RBM15B: variants seen among roughly 807,000 people sequenced by gnomAD.
The protein encoded by RBM15B is putative RNA-binding protein 15B.
Under a neutral mutation model 53.3 loss-of-function variants are expected in RBM15B, and 11 were observed. The observed-to-expected ratio is 0.21, with a 90% confidence interval of 0.13 to 0.34. The LOEUF (loss-of-function observed/expected upper bound fraction) is 0.34. Ranked by LOEUF, RBM15B falls within the 10% of genes least tolerant of loss-of-function variation. The probability of loss-of-function intolerance (pLI) is 1.00; values close to 1 mark genes in which losing one functional copy is unlikely to be tolerated. For synonymous variants in RBM15B, 631 were observed against 540.7 expected (o/e 1.17, Z -2.32); for missense variants, 1,136 against 1,250.3 (o/e 0.91, Z 1.38).
chr3:51,393,082 C>T lies in RBM15B; in HGVS notation c.1683C>T (p.Asn561=). 1.9e-6 allele frequency: 3 copies of T among 1,613,910 alleles called. No individual in the cohort carries two copies. Among genetic ancestry groups the T allele is most frequent in the African/African-American group, 2.7e-5 (2 of 75,054 alleles). ...TSPSKSSDRR[N]SLEGYSRSVR... Reference sequence around the variant, plus strand: ...CCAGTAAAAGCTCTGACCGCCGAAACAGCCTTGAGGGCTACAGTCGCTCAG... The same window carrying T: ...CCAGTAAAAGCTCTGACCGCCGAAATAGCCTTGAGGGCTACAGTCGCTCAG... The change falls in exon 1 of 1, where the codon AAC becomes AAT. Residue 561 remains asparagine (N), a synonymous_variant. Coordinates refer to ENST00000563281, the MANE Select transcript of RBM15B (RefSeq NM_013286.5). The surrounding 1 kb of genome is among the most constrained non-coding windows in gnomAD (Gnocchi z 5.6).
At position 51,395,707 on chromosome 3, in the gene RBM15B, GAC is replaced by G. The variant is rs1472884044; in HGVS notation, c.*1638_*1639del. 2.1e-4 allele frequency: 86 copies of G among 412,572 alleles called. 1 individual carries two copies. The Admixed American group carries it at 3.6e-3, about 17-fold the overall frequency. 25.6% of individuals were successfully genotyped at this position (412,572 alleles called of 1,614,324 possible). On this transcript the variant is annotated 3_prime_UTR_variant, in exon 1 of 1. Transcript: ENST00000563281. Reference sequence around the variant, plus strand: ...GGAGCTAGGATAAGGTAGCATGAGTGACACCTGAGATTAGAGGCTGGGGCTCA... The same window carrying G: ...GGAGCTAGGATAAGGTAGCATGAGTGACCTGAGATTAGAGGCTGGGGCTCA...
chr3:51,397,822 GA>G lies in RBM15B; in HGVS notation c.*3754del, dbSNP rs1418726978. 6.0e-6 allele frequency: 1 copy of G among 166,838 alleles called. No individual in the cohort carries two copies. Among genetic ancestry groups the G allele is most frequent in the African/African-American group, 2.4e-5 (1 of 41,380 alleles). 10.3% of individuals were successfully genotyped at this position (166,838 alleles called of 1,614,324 possible). On this transcript the variant is annotated 3_prime_UTR_variant, in exon 1 of 1. Transcript: ENST00000563281. The stretch of plus-strand genomic sequence containing the variant: ...AGGGACACACCCCACTTCGGTAAAA[GA>G]AAATAGGGAAAGGCCATAAACAAAG...
At position 51,391,497 on chromosome 3, in the gene RBM15B, G is replaced by C. The variant is rs1307700446; in HGVS notation, c.98G>C (p.Gly33Ala). Residue 33 changes from glycine (G) to alanine (A), a missense_variant, in exon 1 of 1, where the codon GGC becomes GCC. By Grantham distance (60) the Gly-to-Ala change is moderately conservative (BLOSUM62 0). Transcript: ENST00000563281. This position sits in a 1 kb window ranked among gnomAD's most constrained non-coding sequence, Gnocchi z 4.5. The stretch of plus-strand genomic sequence containing the variant: ...GAGCGCGAACGGGAGGCGGAGGCGG[G>C]CGGGCGGCGGGCGGCGCACAAGGCC... ...PREREREAEA[G>A]GRRAAHKASG... 3.9e-5 allele frequency: 48 copies of C among 1,222,052 alleles called. No homozygotes were observed. Among genetic ancestry groups the C allele is most frequent in the Non-Finnish European group, 4.8e-5 (47 of 981,860 alleles). The allele number at this position is 1,222,052 out of a possible 1,614,324, so 75.7% of individuals were successfully genotyped here. A position where few individuals can be genotyped will look rare whatever the true frequency, so the allele number is the denominator to read the frequency against.
Position 51,391,792 on chromosome 3 carries a change from A to G in RBM15B, c.393A>G (p.Ser131=), listed in dbSNP as rs2089041774. Residue 131 remains serine, a synonymous_variant, in exon 1 of 1, where the codon TCA becomes TCG. Transcript: ENST00000563281. This position sits in a 1 kb window ranked among gnomAD's most constrained non-coding sequence, Gnocchi z 4.5. ...PPGAEPACPG[S]SAAAPEYKTL... is the part of the protein sequence containing the mutation. ...GGGCCGAGCCCGCGTGTCCCGGCTC[A>G]TCCGCGGCCGCGCCTGAGTACAAGA... is the stretch of plus-strand genomic sequence containing the variant. 2 of 1,591,872 alleles carry G rather than the reference A, an allele frequency of 1.3e-6. No individual in the cohort carries two copies. Among genetic ancestry groups the G allele is most frequent in the Non-Finnish European group, 8.5e-7 (1 of 1,176,508 alleles).
Position 51,391,780 on chromosome 3 carries a change from G to A in RBM15B, c.381G>A (p.Ala127=). Residue 127 remains alanine (A), a synonymous_variant, in exon 1 of 1, where the codon GCG becomes GCA. Coordinates refer to ENST00000563281, the MANE Select transcript of RBM15B (RefSeq NM_013286.5). The surrounding 1 kb of genome is among the most constrained non-coding windows in gnomAD (Gnocchi z 4.5). ...CGCCACCGCCTGGGGCCGAGCCCGC[G>A]TGTCCCGGCTCATCCGCGGCCGCGC... ...PPPPPPGAEP[A]CPGSSAAAPE... The A allele has an allele frequency of 6.3e-7, 1 of 1,585,774 alleles. No individual in the cohort carries two copies. Among genetic ancestry groups the A allele is most frequent in the Admixed American group, 1.7e-5 (1 of 59,116 alleles).
Position 51,391,656 on chromosome 3 carries a change from C to G in RBM15B, c.257C>G (p.Ser86Trp). The change falls in exon 1 of 1, where the codon TCG becomes TGG. Residue 86 changes from serine to tryptophan, a missense_variant. Ser to Trp is a radical substitution (Grantham distance 177). Coordinates refer to ENST00000563281, the MANE Select transcript of RBM15B (RefSeq NM_013286.5). The surrounding 1 kb of genome is among the most constrained non-coding windows in gnomAD (Gnocchi z 4.5). ...CACCGCGCGAGTAGCGGGCGCTCCT[C>G]GGGCTCCGGCGCTGGCGGCGGGGGA... ...ANHRASSGRS[S>W]GSGAGGGGRG... The G allele has an allele frequency of 1.7e-6, 2 of 1,201,538 alleles. No homozygotes were observed. The highest frequency in any genetic ancestry group is 4.1e-5 in the South Asian group (1 of 24,304). 74.4% of individuals were successfully genotyped at this position (1,201,538 alleles called of 1,614,324 possible).
In RBM15B at chr3:51,397,855, T is replaced by G. The variant is rs187144930; in HGVS notation, c.*3783T>G. The stretch of plus-strand genomic sequence containing the variant: ...GGAAAGGCCATAAACAAAGACAGAC[T>G]TGTAGTTTATTTTGTATTTTTTTTA... On this transcript the variant is annotated 3_prime_UTR_variant, in exon 1 of 1. Transcript: ENST00000563281. The G allele has an allele frequency of 4.2e-5, 7 of 167,166 alleles. No homozygotes were observed. The highest frequency in any genetic ancestry group is 3.9e-4 in the Admixed American group (6 of 15,310). 10.4% of individuals were successfully genotyped at this position (167,166 alleles called of 1,614,324 possible).
Position 51,393,768 on chromosome 3 carries a change from G to A in RBM15B, c.2369G>A (p.Gly790Asp). 6.2e-7 allele frequency: 1 copy of A among 1,613,860 alleles called. No homozygotes were observed. The highest frequency in any genetic ancestry group is 8.5e-7 in the Non-Finnish European group (1 of 1,180,046). ...TRRIKQGSPN[G>D]YAVLLATQAT... The stretch of plus-strand genomic sequence containing the variant: ...CGCATCAAGCAGGGGAGCCCCAACG[G>A]CTATGCGGTCCTCTTAGCCACCCAG... Residue 790 changes from glycine to aspartate, a missense_variant, in exon 1 of 1, where the codon GGC becomes GAC. Coordinates refer to ENST00000563281, the MANE Select transcript of RBM15B (RefSeq NM_013286.5). The surrounding 1 kb of genome is among the most constrained non-coding windows in gnomAD (Gnocchi z 5.6).
At position 51,393,129 on chromosome 3, in the gene RBM15B, G is replaced by C; in HGVS notation, c.1730G>C (p.Arg577Pro). Reference sequence around the variant, plus strand: ...TCAGTGCGCAGCCGGAGTGGTGAGCGTTGGGGGGCAGATGGAGACCGTGGT... The same window carrying C: ...TCAGTGCGCAGCCGGAGTGGTGAGCCTTGGGGGGCAGATGGAGACCGTGGT... ...SRSVRSRSGE[R>P]WGADGDRGLP... The change falls in exon 1 of 1, where the codon CGT becomes CCT. Residue 577 changes from arginine to proline, a missense_variant. Transcript: ENST00000563281. This position sits in a 1 kb window ranked among gnomAD's most constrained non-coding sequence, Gnocchi z 5.6. 4.3e-6 allele frequency: 7 copies of C among 1,614,058 alleles called. No homozygotes were observed. The highest frequency in any genetic ancestry group is 5.9e-6 in the Non-Finnish European group (7 of 1,179,996).
In RBM15B at chr3:51,392,248, C is replaced by G; in HGVS notation, c.849C>G (p.Ala283=). Residue 283 remains alanine, a synonymous_variant, in exon 1 of 1, where the codon GCC becomes GCG. Transcript: ENST00000563281. The surrounding 1 kb of genome is among the most constrained non-coding windows in gnomAD (Gnocchi z 7.5). ...GGGAGCCCCGTGCCCGTCACGCCGC[C>G]GCAGCCTTCGCCCTGGATGCCGCTG... ...PLREPRARHA[A]AAFALDAAAA... 6.3e-7 allele frequency: 1 copy of G among 1,588,768 alleles called. No individual in the cohort carries two copies. Among genetic ancestry groups the G allele is most frequent in the Non-Finnish European group, 8.5e-7 (1 of 1,172,024 alleles).
Position 51,392,321 on chromosome 3 carries a change from G to A in RBM15B, c.922G>A (p.Gly308Arg), listed in dbSNP as rs1253830580. Residue 308 changes from glycine (G) to arginine (R), a missense_variant, in exon 1 of 1, where the codon GGG (glycine) becomes AGG (arginine). This residue lies in a region of RBM15B where 204 missense variants were observed against 196.8 expected (regional missense o/e 1.04). Coordinates refer to ENST00000563281, the MANE Select transcript of RBM15B (RefSeq NM_013286.5). The surrounding 1 kb of genome is among the most constrained non-coding windows in gnomAD (Gnocchi z 7.5). The part of the protein sequence containing the change: ...LSRERALDYY[G>R]LYDDRGRPYG... Reference sequence around the variant, plus strand: ...CCGGGAGCGGGCCCTGGACTACTACGGGCTGTACGACGACCGTGGGCGCCC... The same window carrying A: ...CCGGGAGCGGGCCCTGGACTACTACAGGCTGTACGACGACCGTGGGCGCCC... 1 of 1,612,800 alleles carries A rather than the reference G, an allele frequency of 6.2e-7. No individual in the cohort carries two copies. The highest frequency in any genetic ancestry group is 8.5e-7 in the Non-Finnish European group (1 of 1,179,848).
At position 51,395,681 on chromosome 3, in the gene RBM15B, C is replaced by T. The variant is rs1553622632; in HGVS notation, c.*1609C>T. 4 of 411,608 alleles carry T rather than the reference C, an allele frequency of 9.7e-6. No individual in the cohort carries two copies. Among genetic ancestry groups the T allele is most frequent in the Admixed American group, 4.4e-5 (1 of 22,640 alleles). 25.5% of individuals were successfully genotyped at this position (411,608 alleles called of 1,614,324 possible). A position where few individuals can be genotyped will look rare whatever the true frequency, so the allele number is the denominator to read the frequency against. ...CCTCTCTCCAGGTCTGCTCCCTTAC[C>T]GGAGCTAGGATAAGGTAGCATGAGT... is the stretch of plus-strand genomic sequence containing the variant. On this transcript the variant is annotated 3_prime_UTR_variant, in exon 1 of 1. Coordinates refer to ENST00000563281, the MANE Select transcript of RBM15B (RefSeq NM_013286.5).
In RBM15B at chr3:51,393,528, A is replaced by C. The variant is rs1392028445; in HGVS notation, c.2129A>C (p.Asn710Thr). 1.2e-6 allele frequency: 2 copies of C among 1,614,150 alleles called. No homozygotes were observed. The highest frequency in any genetic ancestry group is 3.3e-4 in the Middle Eastern group (2 of 6,062). The change falls in exon 1 of 1, where the codon AAT (asparagine) becomes ACT (threonine). Residue 710 changes from asparagine (N) to threonine (T), a missense_variant. Transcript: ENST00000563281. This position sits in a 1 kb window ranked among gnomAD's most constrained non-coding sequence, Gnocchi z 5.6. ...EPKHETKKLK[N>T]LSEYAQTLQL... ...AAACACGAGACCAAAAAGCTGAAGAATCTTTCAGAGTACGCTCAGACACTA... is the reference window on the plus strand; with the variant it reads ...AAACACGAGACCAAAAAGCTGAAGACTCTTTCAGAGTACGCTCAGACACTA...
At position 51,396,949 on chromosome 3, in the gene RBM15B, T is replaced by C. The variant is rs1484925749; in HGVS notation, c.*2877T>C. The C allele has an allele frequency of 1.8e-5, 3 of 166,980 alleles. No individual in the cohort carries two copies. The highest frequency in any genetic ancestry group is 2.9e-5 in the Non-Finnish European group (2 of 68,118). The allele number at this position is 166,980 out of a possible 1,614,324, so 10.3% of individuals were successfully genotyped here. On this transcript the variant is annotated 3_prime_UTR_variant, in exon 1 of 1. Transcript: ENST00000563281. ...GCGAGGCATGAAGCAAAGAGCTGAG[T>C]GAGTCCTCTGCTCTCCAGAGGACCA... is the stretch of plus-strand genomic sequence containing the variant.
chr3:51,394,837 T>C lies in RBM15B; in HGVS notation c.*765T>C, dbSNP rs112644740. On this transcript the variant is annotated 3_prime_UTR_variant, in exon 1 of 1. Transcript: ENST00000563281. ...TGTACAAGGAGAAGCTGTGCACTGTTGATGCCAGGGGGTCTCGGGGCCCCT... is the reference window on the plus strand; with the variant it reads ...TGTACAAGGAGAAGCTGTGCACTGTCGATGCCAGGGGGTCTCGGGGCCCCT... 0.01 allele frequency: 1,720 copies of C among 167,192 alleles called. 45 individuals are homozygous for C. Among genetic ancestry groups the C allele is most frequent in the African/African-American group, 0.038 (1,562 of 41,516 alleles). The allele number at this position is 167,192 out of a possible 1,614,324, so 10.4% of individuals were successfully genotyped here.
rs1299547161 is a variant in RBM15B at position 51,396,458 on chromosome 3, T to G, written c.*2386T>G. On this transcript the variant is annotated 3_prime_UTR_variant, in exon 1 of 1. Transcript: ENST00000563281. ...CCAGCACTAGTTAGGGGAGGTCAGG[T>G]GGTCAATGTCCTGGTGATTTTATGA... 1.2e-5 allele frequency: 2 copies of G among 167,156 alleles called. No homozygotes were observed. Among genetic ancestry groups the G allele is most frequent in the Non-Finnish European group, 2.9e-5 (2 of 68,212 alleles). The allele number at this position is 167,156 out of a possible 1,614,324, so 10.4% of individuals were successfully genotyped here. A position where few individuals can be genotyped will look rare whatever the true frequency, so the allele number is the denominator to read the frequency against.
rs880001550 is a variant in RBM15B at position 51,393,513 on chromosome 3, C to A, written c.2114C>A (p.Thr705Asn). The change falls in exon 1 of 1, where the codon ACC (threonine) becomes AAC (asparagine). Residue 705 changes from threonine to asparagine, a missense_variant. Around this residue, in one of 7 missense-constraint regions of RBM15B, gnomAD observed 578 missense variants for 581.6 expected, o/e 0.99. Coordinates refer to ENST00000563281, the MANE Select transcript of RBM15B (RefSeq NM_013286.5). The surrounding 1 kb of genome is among the most constrained non-coding windows in gnomAD (Gnocchi z 5.6). ...PKPLEEPKHE[T>N]KKLKNLSEYA... is the part of the protein sequence containing the mutation. ...CCTCTGGAAGAGCCAAAACACGAGA[C>A]CAAAAAGCTGAAGAATCTTTCAGAG... 3 of 1,614,032 alleles carry A rather than the reference C, an allele frequency of 1.9e-6. No individual in the cohort carries two copies. Among genetic ancestry groups the A allele is most frequent in the African/African-American group, 1.3e-5 (1 of 74,912 alleles).
chr3:51,392,002 G>C lies in RBM15B; in HGVS notation c.603G>C (p.Leu201=), dbSNP rs782793445. The C allele has an allele frequency of 1.3e-6, 2 of 1,598,668 alleles. No homozygotes were observed. The highest frequency in any genetic ancestry group is 1.1e-5 in the South Asian group (1 of 90,674). The change falls in exon 1 of 1, where the codon CTG becomes CTC. Residue 201 remains leucine, a synonymous_variant. Transcript: ENST00000563281. The surrounding 1 kb of genome is among the most constrained non-coding windows in gnomAD (Gnocchi z 7.5). Reference sequence around the variant, plus strand: ...CACGCGAGGCCCGCCAGCACGCCCTGGCCCGGCAGCTGCTGCTCTACGACC... The same window carrying C: ...CACGCGAGGCCCGCCAGCACGCCCTCGCCCGGCAGCTGCTGCTCTACGACC... ...QDAREARQHA[L]ARQLLLYDRP...
rs2089094461 is a variant in RBM15B, at chr3:51,394,131, T to C, written c.*59T>C. The C allele has an allele frequency of 7.3e-6, 10 of 1,376,240 alleles. No homozygotes were observed. In the South Asian group the frequency reaches 1.6e-4, roughly 22 times the overall value. The allele number at this position is 1,376,240 out of a possible 1,614,324, so 85.3% of individuals were successfully genotyped here. On this transcript the variant is annotated 3_prime_UTR_variant, in exon 1 of 1. Coordinates refer to ENST00000563281, the MANE Select transcript of RBM15B (RefSeq NM_013286.5). ...TCACAAAAGCAGTTATTTTAAAATCTGATCCCCTCTCTACCCTACCACTTT... is the reference window on the plus strand; with the variant it reads ...TCACAAAAGCAGTTATTTTAAAATCCGATCCCCTCTCTACCCTACCACTTT...
Sources: gnomAD v4.1 joint callset for allele counts on GRCh38, gnomAD v4.1.1 for gene constraint, gnomAD v4.1.1 regional missense constraint, Gnocchi (gnomAD v3.1) non-coding constraint, MANE v1.5 for transcripts, NCBI Gene and HGNC (gene_info 2026-07-23, HGNC 2026-07-21) for gene names.